The following PIEZO2 variants were observed in gnomAD, a reference collection of about 807,000 sequenced individuals.
PIEZO2 encodes piezo type mechanosensitive ion channel component 2.
In PIEZO2, 172 loss-of-function variants were observed where a neutral mutation model predicts 337.3. That is an observed-to-expected ratio of 0.51 (90% confidence interval 0.45 to 0.58). The LOEUF (loss-of-function observed/expected upper bound fraction) is 0.58. Ranked by LOEUF, PIEZO2 falls within the 20% of genes least tolerant of loss-of-function variation. The pLI is 0.00. For missense variants in PIEZO2, 3,028 were observed against 3,391.3 expected (o/e 0.89, Z 2.66); for synonymous variants, 1,251 against 1,228.5 (o/e 1.02, Z -0.38).
intron 4 of PIEZO2, among the ~76,000 whole-genome samples, chr18:10,884,105 C>T (rs2042504253): frequency 6.6e-6 from 1 of 152,170 alleles, no homozygotes; most frequent in Non-Finnish European, 1.5e-5. Flanking sequence ...GCCACCGCAA[C>T]TGGCCTATGA....
intron 43 of PIEZO2, 138 bp downstream of exon 43, chr18:10,701,851 A>C: frequency 5.2e-6 from 3 of 573,276 alleles, no homozygotes; most frequent in Non-Finnish European, 7.9e-6. Flanking sequence ...TTTTTAAAAA[A>C]AACATATGAG....
chr18:10,906,786 CCT>C (rs1330736115), intron 4 of PIEZO2, among the ~76,000 whole-genome samples: 11 of 152,064 alleles, frequency 7.2e-5, no homozygotes, highest in Admixed American at 6.5e-4. Context: ...GTCTCGAACT[CCT>C]GAGCTCAGTC....
chr18:10,928,179 G>A (rs1236875447), intron 3 of PIEZO2, among the ~76,000 whole-genome samples: 1 of 152,184 alleles, frequency 6.6e-6, no homozygotes, highest in African/African-American at 2.4e-5. Flanking sequence ...CCATATTACA[G>A]TAAGGGAAAG....
intron 2 of PIEZO2, among the ~76,000 whole-genome samples, chr18:11,014,889 G>T (rs1429088222): frequency 3.7e-4 from 42 of 113,980 alleles, no homozygotes; most frequent in African/African-American, 1.3e-3. Context: ...TCATTCCTCA[G>T]TGTGGGGAAG....
At position 11,094,048 on chromosome 18, in the gene PIEZO2, G is replaced by A. The variant is rs763136078; in HGVS notation, c.65-27826C>T. On this transcript the variant is annotated intron_variant, in intron 1 of 55. Coordinates refer to ENST00000674853, the MANE Select transcript of PIEZO2 (RefSeq NM_001378183.1). The surrounding 1 kb of genome is among the most constrained non-coding windows in gnomAD (Gnocchi z 4.4). ...GGCTGGAGTGCAGTGGTGCTACTGC[G>A]GCTCACTGCAACCTCTGCCTCCTGG... 2.0e-5 allele frequency among the ~76,000 whole-genome samples: 3 copies of A among 151,696 alleles called. No individual in the cohort carries two copies. Among genetic ancestry groups the A allele is most frequent in the Non-Finnish European group, 2.9e-5 (2 of 67,956 alleles).
In PIEZO2 at chr18:11,049,012, C is replaced by T. The variant is rs72872247; in HGVS notation, c.160+17115G>A. Reference sequence around the variant, plus strand: ...AAATTATTCCATCAGAAATTAGTCTCGTCCAGGCTTTGAAGCAAGTCAGCT... The same window carrying T: ...AAATTATTCCATCAGAAATTAGTCTTGTCCAGGCTTTGAAGCAAGTCAGCT... On this transcript the variant is annotated intron_variant, in intron 2 of 55. Coordinates refer to ENST00000674853, the MANE Select transcript of PIEZO2 (RefSeq NM_001378183.1). Among the ~76,000 whole-genome samples, 547 of 152,254 alleles carry T rather than the reference C, an allele frequency of 3.6e-3. 3 individuals carry two copies. Among genetic ancestry groups the T allele is most frequent in the Middle Eastern group, 0.014 (4 of 294 alleles).
In PIEZO2 at chr18:11,026,020, G is replaced by A. The variant is rs554568250; in HGVS notation, c.160+40107C>T. 7.9e-5 allele frequency among the ~76,000 whole-genome samples: 12 copies of A among 152,258 alleles called. No homozygotes were observed. In the East Asian group the frequency reaches 2.3e-3, roughly 30 times the overall value. On this transcript the variant is annotated intron_variant, in intron 2 of 55. Coordinates refer to ENST00000674853, the MANE Select transcript of PIEZO2 (RefSeq NM_001378183.1). ...GAAGTCCCCTTTTCAGAGCTGCTCA[G>A]CACCATCACAAGTAGGAAGCGAAGA...
At chr18:11,117,905 T>C (rs1384293698) in intron 1 of PIEZO2, among the ~76,000 whole-genome samples, 1 of 152,212 alleles carries the variant, frequency 6.6e-6, no homozygotes, top group Non-Finnish European at 1.5e-5. Flanking sequence ...AGCCAAGGGA[T>C]ACAGTAGCTG....
At chr18:10,949,704 A>C (rs2033199689) in intron 3 of PIEZO2, among the ~76,000 whole-genome samples, 1 of 152,254 alleles carries the variant, frequency 6.6e-6, no homozygotes, top group African/African-American at 2.4e-5. Context: ...TCTAAGGGAA[A>C]TGCAGAGAGA....
At chr18:10,710,036 C>G (rs1362852230) in intron 39 of PIEZO2, among the ~76,000 whole-genome samples, 1 of 152,268 alleles carries the variant, frequency 6.6e-6, no homozygotes, top group African/African-American at 2.4e-5. Flanking sequence ...GTGCCCCTTT[C>G]TGGGGCCCCA....
At chr18:10,983,457 A>G (rs1358865290) in intron 2 of PIEZO2, among the ~76,000 whole-genome samples, 1 of 152,124 alleles carries the variant, frequency 6.6e-6, no homozygotes, top group African/African-American at 2.4e-5. Flanking sequence ...AAAGTGAGTG[A>G]TGTGTGTGCC....
At chr18:10,960,664 A>T (rs2033732433) in intron 3 of PIEZO2, among the ~76,000 whole-genome samples, 1 of 152,188 alleles carries the variant, frequency 6.6e-6, no homozygotes, top group African/African-American at 2.4e-5. Flanking sequence ...TCAGACTAAA[A>T]AAAGTCCCCC....
rs1340700016 is a variant in PIEZO2 at position 11,101,638 on chromosome 18, C to T, written c.65-35416G>A. 6.6e-6 allele frequency among the ~76,000 whole-genome samples: 1 copy of T among 152,160 alleles called. No individual in the cohort carries two copies. The highest frequency in any genetic ancestry group is 2.4e-5 in the African/African-American group (1 of 41,438). ...CCCCATGACATTCTATTTCTCAAAC[C>T]TGTCAATTTGAAAAACCGATGACTA... On this transcript the variant is annotated intron_variant, in intron 1 of 55. Coordinates refer to ENST00000674853, the MANE Select transcript of PIEZO2 (RefSeq NM_001378183.1). This position sits in a 1 kb window ranked among gnomAD's most constrained non-coding sequence, Gnocchi z 4.4.
At chr18:11,079,661 C>T (rs1234878807) in intron 1 of PIEZO2, among the ~76,000 whole-genome samples, 1 of 152,124 alleles carries the variant, frequency 6.6e-6, no homozygotes, top group Admixed American at 6.5e-5. Context: ...AAATTAATTC[C>T]TGCCTGTTTC....
At chr18:10,802,654 AGGTATG>A (rs1399093392) in intron 9 of PIEZO2, among the ~76,000 whole-genome samples, 2 of 152,146 alleles carry the variant, frequency 1.3e-5, no homozygotes, top group African/African-American at 4.8e-5. Context: ...GGCTTCACAT[AGGTATG>A]CAATTTGGTC....
intron 7 of PIEZO2, among the ~76,000 whole-genome samples, chr18:10,810,566 C>T (rs2040157127): frequency 6.6e-6 from 1 of 152,190 alleles, no homozygotes; most frequent in African/African-American, 2.4e-5. Context: ...CAGAAAAGCA[C>T]CCCTGAGGTC....
chr18:10,865,626 A>G (rs2041985161), intron 5 of PIEZO2, among the ~76,000 whole-genome samples: 1 of 152,196 alleles, frequency 6.6e-6, no homozygotes, highest in Admixed American at 6.5e-5. Context: ...AGGTAGGGGA[A>G]GGAGCTGTGT....
chr18:10,991,733 G>A (rs1214087423), intron 2 of PIEZO2, among the ~76,000 whole-genome samples: 1 of 152,002 alleles, frequency 6.6e-6, no homozygotes, highest in Non-Finnish European at 1.5e-5. Flanking sequence ...ATAATCCTTG[G>A]GGTATATACC....
chr18:10,986,327 C>G (rs1160125922), intron 2 of PIEZO2, among the ~76,000 whole-genome samples: 1 of 151,828 alleles, frequency 6.6e-6, no homozygotes, highest in Admixed American at 6.6e-5. Flanking sequence ...ATAGAGGTAA[C>G]AGTCCTCAAC....
Sources: allele counts gnomAD v4.1 joint callset (sites outside exome capture counted in the v4.1 genomes callset), GRCh38; gene constraint gnomAD v4.1.1; non-coding constraint Gnocchi (gnomAD v3.1); transcripts MANE v1.5; gene names NCBI Gene and HGNC (gene_info 2026-07-23, HGNC 2026-07-21).